Variants in FLVCR2 observed in about 807,000 individuals in gnomAD.
The protein encoded by FLVCR2 is FLVCR choline and putative heme transporter 2.
In FLVCR2, 38 loss-of-function variants were observed where a neutral mutation model predicts 48.9. The observed-to-expected ratio is 0.78, with a 90% CI of 0.60 to 1.02. The LOEUF is 1.02. FLVCR2 is among the 50% of genes least tolerant of loss of function. The probability of loss-of-function intolerance (pLI) is 0.00; values close to 1 mark genes in which losing one functional copy is unlikely to be tolerated. For missense variants in FLVCR2, 664 were observed against 663.3 expected, an observed-to-expected ratio of 1.00 and a Z score of -0.01; for synonymous variants, 255 against 257.0, an observed-to-expected ratio of 0.99 and a Z score of 0.07.
chr14:75,596,324 G>A, intron 1 of FLVCR2: 1 of 399,054 alleles, frequency 2.5e-6, no homozygotes, highest in Non-Finnish European at 4.6e-6. Flanking sequence ...AAGGCCAGTA[G>A]TGACTAAAGG....
intron 1 of FLVCR2, among the ~76,000 whole-genome samples, chr14:75,606,920 A>C (rs1185576800): frequency 4.6e-5 from 7 of 151,594 alleles, no homozygotes. Context: ...CTCCAGCCTG[A>C]GGGACAGAGT....
intron 6 of FLVCR2, among the ~76,000 whole-genome samples, chr14:75,640,207 C>T (rs902347439): frequency 7.5e-6 from 1 of 134,216 alleles, no homozygotes; most frequent in Non-Finnish European, 1.5e-5. Flanking sequence ...TGCAGTGAGC[C>T]AAGATCGAAC....
At chr14:75,586,304 CCTT>C (rs1888747696) in intron 1 of FLVCR2, among the ~76,000 whole-genome samples, 1 of 152,170 alleles carries the variant, frequency 6.6e-6, no homozygotes, top group Admixed American at 6.5e-5. Flanking sequence ...TTACAAAGAA[CCTT>C]CTTAAGGGTG....
intron 6 of FLVCR2, among the ~76,000 whole-genome samples, chr14:75,640,198 G>A (rs1292003229): frequency 6.8e-6 from 1 of 146,924 alleles, no homozygotes; most frequent in Non-Finnish European, 1.5e-5. Context: ...GGCGGAAGTT[G>A]CAGTGAGCCA....
chr14:75,641,988 C>A, intron 9 of FLVCR2, 90 bp downstream of exon 9: 1 of 1,174,304 alleles, frequency 8.5e-7, no homozygotes, highest in Non-Finnish European at 1.3e-6. Flanking sequence ...GGAGAACTCC[C>A]ACAGGGACTG....
intron 1 of FLVCR2, among the ~76,000 whole-genome samples, chr14:75,607,216 G>A (rs1889314609): frequency 6.6e-6 from 1 of 152,098 alleles, no homozygotes; most frequent in Admixed American, 6.5e-5. Flanking sequence ...AGCTAAATGA[G>A]GCAATGTCTA....
Position 75,639,472 on chromosome 14 carries a change from A to T in FLVCR2, c.1235+10A>T, listed in dbSNP as rs574530596. On this transcript the variant is annotated intron_variant, in intron 6 of 9. Coordinates refer to ENST00000238667, the MANE Select transcript of FLVCR2 (RefSeq NM_017791.3). ...CTGCTGGCACAATGGGGTAAGTTTC[A>T]CCTCTGGCTGATTTATTAGAAAATA... 6.4e-7 allele frequency: 1 copy of T among 1,561,008 alleles called. No individual in the cohort carries two copies. The highest frequency in any genetic ancestry group is 1.1e-5 in the South Asian group (1 of 89,990).
chr14:75,644,357 C>T (rs1036451321), intron 9 of FLVCR2, among the ~76,000 whole-genome samples: 1 of 152,198 alleles, frequency 6.6e-6, no homozygotes, highest in Non-Finnish European at 1.5e-5. Flanking sequence ...TTACATTATA[C>T]CACAACCTCA....
chr14:75,602,221 CCCCCT>C (rs936744660), intron 1 of FLVCR2, among the ~76,000 whole-genome samples: 3 of 152,148 alleles, frequency 2.0e-5, no homozygotes, highest in South Asian at 2.1e-4. Flanking sequence ...CGGTCTCTAG[CCCCCT>C]CCCCTCCCCT....
intron 1 of FLVCR2, among the ~76,000 whole-genome samples, chr14:75,610,018 T>G (rs921584271): frequency 2.6e-5 from 4 of 152,192 alleles, no homozygotes; most frequent in Non-Finnish European, 5.9e-5. Flanking sequence ...AGCATTTGAA[T>G]GGCGCTTTGC....
intron 1 of FLVCR2, chr14:75,605,704 C>T: frequency 7.5e-7 from 1 of 1,331,858 alleles, no homozygotes; most frequent in Non-Finnish European, 1.0e-6. Flanking sequence ...GGAGTGTTTG[C>T]TTTGGCTCCC....
chr14:75,616,896 C>T (rs1291200404), intron 1 of FLVCR2, among the ~76,000 whole-genome samples: 2 of 152,208 alleles, frequency 1.3e-5, no homozygotes, highest in African/African-American at 4.8e-5. Context: ...GACTGAAGCC[C>T]TCACCACTGT....
intron 2 of FLVCR2, among the ~76,000 whole-genome samples, chr14:75,624,164 C>T (rs1201639289): frequency 6.6e-6 from 1 of 151,996 alleles, no homozygotes; most frequent in Non-Finnish European, 1.5e-5. Context: ...AAGTTTGAGA[C>T]CAGCCTGGGC....
intron 4 of FLVCR2, among the ~76,000 whole-genome samples, chr14:75,633,923 T>C (rs1038656904): frequency 6.6e-6 from 1 of 151,984 alleles, no homozygotes; most frequent in African/African-American, 2.4e-5. Context: ...AGTTAGTGTT[T>C]CTGAGCTCTC....
intron 5 of FLVCR2, among the ~76,000 whole-genome samples, chr14:75,639,071 C>T (rs943019007): frequency 1.3e-5 from 2 of 152,122 alleles, no homozygotes; most frequent in African/African-American, 4.8e-5. Flanking sequence ...AAAAATTAGC[C>T]AGGCGTGATG....
intron 1 of FLVCR2, among the ~76,000 whole-genome samples, chr14:75,609,213 A>G (rs1205172296): frequency 6.6e-6 from 1 of 152,218 alleles, no homozygotes. Context: ...CCTGTTGGCA[A>G]TAGCCCTCTG....
chr14:75,593,072 C>T (rs535766863), intron 1 of FLVCR2, among the ~76,000 whole-genome samples: 11 of 152,204 alleles, frequency 7.2e-5, no homozygotes, highest in African/African-American at 1.4e-4. Flanking sequence ...AAGTTCCAAA[C>T]GTTCCCTCAT....
Position 75,578,895 on chromosome 14 carries a change from A to T in FLVCR2, c.-78A>T. The T allele has an allele frequency of 1.5e-6, 2 of 1,339,494 alleles. No homozygotes were observed. Among genetic ancestry groups the T allele is most frequent in the Admixed American group, 1.7e-5 (1 of 58,272 alleles). The allele number at this position is 1,339,494 out of a possible 1,614,324, so 83.0% of individuals were successfully genotyped here. A position where few individuals can be genotyped will look rare whatever the true frequency, so the allele number is the denominator to read the frequency against. Reference sequence around the variant, plus strand: ...AGGCAAGTGTCCTTTCAACTCTAAGAGACCAGCAGAGGCCACTGTCCCTTA... The same window carrying T: ...AGGCAAGTGTCCTTTCAACTCTAAGTGACCAGCAGAGGCCACTGTCCCTTA... On this transcript the variant is annotated 5_prime_UTR_variant, in exon 1 of 10. Coordinates refer to ENST00000238667, the MANE Select transcript of FLVCR2 (RefSeq NM_017791.3).
chr14:75,592,775 G>A (rs1888917238), intron 1 of FLVCR2, among the ~76,000 whole-genome samples: 1 of 152,040 alleles, frequency 6.6e-6, no homozygotes, highest in African/African-American at 2.4e-5. Flanking sequence ...GATCACCTGA[G>A]GTCAGGAGTT....
Sources: gnomAD v4.1 joint callset for allele counts (sites outside exome capture counted in the v4.1 genomes callset) on GRCh38, gnomAD v4.1.1 for gene constraint, MANE v1.5 for transcripts, NCBI Gene and HGNC (gene_info 2026-07-23, HGNC 2026-07-21) for gene names.